RORA: variants seen among roughly 807,000 people sequenced by gnomAD.
RORA encodes the protein RAR related orphan receptor A.
RORA carries 7 observed loss-of-function variants against 69.5 expected under a neutral mutation model. The ratio of observed to expected loss-of-function variants is 0.10; its 90% CI spans 0.06 to 0.19. The LOEUF (loss-of-function observed/expected upper bound fraction) is 0.19, where lower values mean the gene tolerates loss of function less well. Ranked by LOEUF, RORA falls within the 10% of genes least tolerant of loss-of-function variation. The pLI is 1.00. For synonymous variants in RORA, 261 were observed against 240.8 expected (o/e 1.08, Z -0.78); for missense variants, 457 against 663.0 (o/e 0.69, Z 3.41).
intron 2 of RORA, among the ~76,000 whole-genome samples, chr15:60,620,097 C>T (rs1347353827): frequency 6.6e-6 from 1 of 152,222 alleles, no homozygotes; most frequent in Non-Finnish European, 1.5e-5. Flanking sequence ...GTTACCCTAA[C>T]CAAACTCTGT....
intron 1 of RORA, among the ~76,000 whole-genome samples, chr15:61,068,675 A>G (rs995439890): frequency 6.6e-6 from 1 of 152,244 alleles, no homozygotes; most frequent in Non-Finnish European, 1.5e-5. Flanking sequence ...TGGGAAGAAC[A>G]GGATTTCTTT....
intron 2 of RORA, among the ~76,000 whole-genome samples, chr15:60,644,349 T>C (rs2069998060): frequency 6.6e-6 from 1 of 152,158 alleles, no homozygotes; most frequent in Non-Finnish European, 1.5e-5. Context: ...AAACTTGAGG[T>C]TTTTGCCCCA....
At chr15:61,187,781 G>A (rs779973172) in intron 1 of RORA, among the ~76,000 whole-genome samples, 1 of 152,174 alleles carries the variant, frequency 6.6e-6, no homozygotes, top group Non-Finnish European at 1.5e-5. Context: ...GAGCTGCTGC[G>A]TGTCTGGTGG....
intron 1 of RORA, among the ~76,000 whole-genome samples, chr15:60,789,765 G>C (rs1306550632): frequency 2.0e-5 from 3 of 152,204 alleles, no homozygotes; most frequent in African/African-American, 7.2e-5. Flanking sequence ...TGCAAATGAA[G>C]GGTCCTGAAG....
At chr15:60,593,959 G>C (rs1243194459) in intron 2 of RORA, among the ~76,000 whole-genome samples, 3 of 152,078 alleles carry the variant, frequency 2.0e-5, no homozygotes, top group Non-Finnish European at 4.4e-5. Flanking sequence ...AGGCAAAATT[G>C]AGTCTTCCAA....
At position 60,617,662 on chromosome 15, in the gene RORA, AG is replaced by A. The variant is rs2069284229; in HGVS notation, c.196+60994del. 6.6e-5 allele frequency among the ~76,000 whole-genome samples: 5 copies of A among 76,204 alleles called. No homozygotes were observed. In the African/African-American group the frequency reaches 8.1e-4, roughly 12 times the overall value. 50.0% of individuals were successfully genotyped at this position (76,204 alleles called of 152,430 possible). On this transcript the variant is annotated intron_variant, in intron 2 of 10. Transcript: ENST00000335670. Reference sequence around the variant, plus strand: ...CACGCACATACACACATACAGACAGAGAGAGAGAGAGAGAGAGAGAGAGAGA... The same window carrying A: ...CACGCACATACACACATACAGACAGAAGAGAGAGAGAGAGAGAGAGAGAGA...
At chr15:60,559,762 T>C (rs1174657146) in intron 2 of RORA, among the ~76,000 whole-genome samples, 1 of 152,262 alleles carries the variant, frequency 6.6e-6, no homozygotes, top group East Asian at 1.9e-4. Flanking sequence ...TACATTCAGT[T>C]TGAGAGTTTC....
intron 1 of RORA, among the ~76,000 whole-genome samples, chr15:61,165,427 C>G (rs1421159461): frequency 6.6e-6 from 1 of 152,216 alleles, no homozygotes. Context: ...AAAGTCAAGT[C>G]CTTTATCTAA....
chr15:60,661,759 A>G (rs894061968), intron 2 of RORA, among the ~76,000 whole-genome samples: 5 of 152,226 alleles, frequency 3.3e-5, no homozygotes. Context: ...CGAGAGGTTC[A>G]GATATTTTTC....
At chr15:60,516,562 C>T (rs1040898716) in intron 3 of RORA, among the ~76,000 whole-genome samples, 4 of 151,782 alleles carry the variant, frequency 2.6e-5, no homozygotes, top group Admixed American at 6.6e-5. Context: ...CCAATGAGGG[C>T]GACACTAGTG....
At chr15:60,895,917 T>C (rs1410808828) in intron 1 of RORA, among the ~76,000 whole-genome samples, 2 of 152,232 alleles carry the variant, frequency 1.3e-5, no homozygotes, top group Non-Finnish European at 2.9e-5. Flanking sequence ...GCGTAGGTGA[T>C]TCAGTTTTTT....
At chr15:61,219,783 T>C (rs1005069473) in intron 1 of RORA, among the ~76,000 whole-genome samples, 1 of 152,190 alleles carries the variant, frequency 6.6e-6, no homozygotes, top group Non-Finnish European at 1.5e-5. Context: ...ATAAAGCCCT[T>C]TCTGGCTTTA....
rs565656516 is a variant in RORA at position 60,493,045 on chromosome 15, G to A, written c.*4410C>T. The A allele has an allele frequency of 1.3e-3, 195 of 151,812 alleles. No individual in the cohort carries two copies. Among genetic ancestry groups the A allele is most frequent in the African/African-American group, 4.5e-3 (185 of 41,170 alleles). 9.4% of individuals were successfully genotyped at this position (151,812 alleles called of 1,614,324 possible). On this transcript the variant is annotated 3_prime_UTR_variant, in exon 11 of 11. Transcript: ENST00000335670. ...ACTCCAAAATGATAGGGCTTCTATC[G>A]TTGATACCAAGATGGATTGTCATTC...
At chr15:60,783,202 T>C (rs965568169) in intron 1 of RORA, among the ~76,000 whole-genome samples, 1 of 152,166 alleles carries the variant, frequency 6.6e-6, no homozygotes, top group African/African-American at 2.4e-5. Context: ...CTAATGTCAC[T>C]GGAATCAGAG....
intron 1 of RORA, among the ~76,000 whole-genome samples, chr15:60,790,971 A>G (rs2072408226): frequency 6.8e-6 from 1 of 146,406 alleles, no homozygotes; most frequent in African/African-American, 2.5e-5. Context: ...ACGCCCCCCC[A>G]TTGCCCCCCC....
At chr15:60,709,009 C>G (rs926501675) in intron 1 of RORA, among the ~76,000 whole-genome samples, 1 of 152,160 alleles carries the variant, frequency 6.6e-6, no homozygotes, top group Non-Finnish European at 1.5e-5. Context: ...CTAGTCATTC[C>G]TATCCTAGGG....
At chr15:60,956,864 C>G (rs1893281048) in intron 1 of RORA, among the ~76,000 whole-genome samples, 1 of 152,194 alleles carries the variant, frequency 6.6e-6, no homozygotes. Flanking sequence ...GGACATAGCT[C>G]AAGCACTGGA....
intron 1 of RORA, among the ~76,000 whole-genome samples, chr15:60,764,253 A>G (rs573107069): frequency 6.6e-6 from 1 of 151,994 alleles, no homozygotes; most frequent in African/African-American, 2.4e-5. Context: ...GAGACTGGCC[A>G]AGCAGAGAGG....
intron 1 of RORA, among the ~76,000 whole-genome samples, chr15:60,698,671 AC>A (rs1245629131): frequency 6.8e-6 from 1 of 146,982 alleles, no homozygotes; most frequent in East Asian, 2.0e-4. Context: ...TGAAAGTTTA[AC>A]TTTTAAAAAG....
Sources: allele counts gnomAD v4.1 joint callset (sites outside exome capture counted in the v4.1 genomes callset), GRCh38; gene constraint gnomAD v4.1.1; transcripts MANE v1.5; gene names NCBI Gene and HGNC (gene_info 2026-07-23, HGNC 2026-07-21).